Variants in CACNB2 observed in about 807,000 individuals in gnomAD.
The protein encoded by CACNB2 is voltage-dependent L-type calcium channel subunit beta-2.
In CACNB2, 42 loss-of-function variants were observed where a neutral mutation model predicts 73.3. The ratio of observed to expected loss-of-function variants is 0.57; its 90% confidence interval spans 0.45 to 0.74. The LOEUF (loss-of-function observed/expected upper bound fraction) is 0.74. Ranked by LOEUF, CACNB2 falls within the 30% of genes least tolerant of loss-of-function variation. CACNB2 has a pLI of 0.00. For synonymous variants in CACNB2, 348 were observed against 310.3 expected (o/e 1.12, Z -1.28); for missense variants, 940 against 853.0 (o/e 1.10, Z -1.27).
At chr10:18,218,064 G>A (rs2035583792) in intron 2 of CACNB2, among the ~76,000 whole-genome samples, 1 of 152,094 alleles carries the variant, frequency 6.6e-6, no homozygotes, top group South Asian at 2.1e-4. Context: ...AAGGTTTGGG[G>A]GAGAACTGAA....
intron 1 of CACNB2, among the ~76,000 whole-genome samples, chr10:18,148,089 G>GT (rs139457135): frequency 0.18 from 24,644 of 135,776 alleles, 2,233 homozygotes; most frequent in East Asian, 0.42. Flanking sequence ...TCACTCTACA[G>GT]TTTTTTAAAA....
chr10:18,277,766 C>A (rs1039387344), intron 2 of CACNB2, among the ~76,000 whole-genome samples: 19 of 152,140 alleles, frequency 1.2e-4, no homozygotes, highest in African/African-American at 4.6e-4. Context: ...AAAGATGAAT[C>A]AAATAATCTT....
chr10:18,158,406 G>A (rs1052808825), intron 2 of CACNB2, among the ~76,000 whole-genome samples: 1 of 152,100 alleles, frequency 6.6e-6, no homozygotes, highest in Non-Finnish European at 1.5e-5. Context: ...AATTGTTTAT[G>A]TGCTATAAGA....
At chr10:18,282,687 T>G (rs1324639818) in intron 2 of CACNB2, among the ~76,000 whole-genome samples, 1 of 152,198 alleles carries the variant, frequency 6.6e-6, no homozygotes, top group Non-Finnish European at 1.5e-5. Flanking sequence ...GACAAGGAGT[T>G]GCTTTTTTTA....
chr10:18,535,991 A>G (rs1180338446), intron 11 of CACNB2, 110 bp from the exon 12 acceptor site: 1 of 690,244 alleles, frequency 1.4e-6, no homozygotes, highest in African/African-American at 1.8e-5. Flanking sequence ...ATCTATTATA[A>G]GCCCCTTGTG....
In CACNB2 at chr10:18,388,083, T is replaced by C. The variant is rs928903526; in HGVS notation, c.214-13841T>C. On this transcript the variant is annotated intron_variant, in intron 2 of 13. Transcript: ENST00000324631. ...AAGCCATTTCTCATCCTTACCAAAA[T>C]GTATTCTTACCAAACTGTCAGGCCA... Among the ~76,000 whole-genome samples, 6 of 152,288 alleles carry C rather than the reference T, an allele frequency of 3.9e-5. No individual in the cohort carries two copies. In the East Asian group the frequency reaches 1.2e-3, roughly 29 times the overall value.
intron 2 of CACNB2, among the ~76,000 whole-genome samples, chr10:18,390,387 A>G (rs2043414040): frequency 6.6e-6 from 1 of 152,000 alleles, no homozygotes; most frequent in Admixed American, 6.6e-5. Flanking sequence ...TAATTTTTGT[A>G]TTTTTAGTAG....
intron 3 of CACNB2, among the ~76,000 whole-genome samples, chr10:18,435,143 TC>T (rs1388258863): frequency 6.6e-6 from 1 of 152,188 alleles, no homozygotes; most frequent in Non-Finnish European, 1.5e-5. Context: ...TCCTCTGCCT[TC>T]TGCGTGTCAC....
intron 2 of CACNB2, among the ~76,000 whole-genome samples, chr10:18,282,931 G>T (rs1043383997): frequency 1.1e-4 from 16 of 152,098 alleles, no homozygotes; most frequent in African/African-American, 2.9e-4. Flanking sequence ...CTGACAAAGG[G>T]CTAATATCCA....
chr10:18,463,503 C>G, intron 3 of CACNB2, among the ~76,000 whole-genome samples: 1 of 152,198 alleles, frequency 6.6e-6, no homozygotes. Context: ...CAGCTTCAAC[C>G]TCCCAGGTTC....
At chr10:18,517,985 A>G (rs1656965519) in intron 7 of CACNB2, among the ~76,000 whole-genome samples, 1 of 152,238 alleles carries the variant, frequency 6.6e-6, no homozygotes, top group African/African-American at 2.4e-5. Flanking sequence ...CCGAAAAGCA[A>G]TATTAACTTC....
intron 2 of CACNB2, among the ~76,000 whole-genome samples, chr10:18,195,106 G>A (rs1420720394): frequency 2.6e-5 from 4 of 152,160 alleles, no homozygotes; most frequent in African/African-American, 7.2e-5. Flanking sequence ...GCAAAGGAGA[G>A]TTTAAGATGA....
intron 3 of CACNB2, among the ~76,000 whole-genome samples, chr10:18,409,316 A>AAAAAG (rs1281941997): frequency 2.0e-5 from 3 of 150,360 alleles, no homozygotes; most frequent in South Asian, 4.2e-4. Context: ...AAAAAAAAAA[A>AAAAAG]AAGTAGAGAC....
chr10:18,345,572 C>T lies in CACNB2; in HGVS notation c.214-56352C>T, dbSNP rs566839128. On this transcript the variant is annotated intron_variant, in intron 2 of 13. Transcript: ENST00000324631. ...GTATGGGGGAGCTTCTTCCTTCTTTCTTTCCTATTAAACACACTCCGCTCC... is the reference window on the plus strand; with the variant it reads ...GTATGGGGGAGCTTCTTCCTTCTTTTTTTCCTATTAAACACACTCCGCTCC... Among the ~76,000 whole-genome samples the T allele has an allele frequency of 1.2e-4, 18 of 152,294 alleles. No homozygotes were observed. The South Asian group carries it at 1.7e-3, about 14-fold the overall frequency.
chr10:18,235,898 C>T (rs1420958394), intron 2 of CACNB2, among the ~76,000 whole-genome samples: 1 of 152,092 alleles, frequency 6.6e-6, no homozygotes, highest in East Asian at 1.9e-4. Context: ...CAGATTTCCC[C>T]CTTGCTGTTC....
chr10:18,346,732 G>A (rs1589102549), intron 2 of CACNB2, among the ~76,000 whole-genome samples: 1 of 151,944 alleles, frequency 6.6e-6, no homozygotes, highest in Non-Finnish European at 1.5e-5. Context: ...GAGTAGCTGG[G>A]ACTACAGGCA....
intron 2 of CACNB2, among the ~76,000 whole-genome samples, chr10:18,270,888 T>C (rs981513937): frequency 2.6e-5 from 4 of 152,278 alleles, no homozygotes; most frequent in African/African-American, 4.8e-5. Flanking sequence ...CAAGACGTAA[T>C]GGTTGAATAC....
intron 3 of CACNB2, among the ~76,000 whole-genome samples, chr10:18,418,042 G>A (rs1229880667): frequency 6.6e-6 from 1 of 152,104 alleles, no homozygotes; most frequent in Non-Finnish European, 1.5e-5. Flanking sequence ...CTGCTGTAGT[G>A]CAGGAGTGCA....
chr10:18,259,564 CAA>C (rs1175522949), intron 2 of CACNB2, among the ~76,000 whole-genome samples: 2 of 124,730 alleles, frequency 1.6e-5, no homozygotes, highest in African/African-American at 6.3e-5. Flanking sequence ...AAAAAACAAA[CAA>C]AAAAAAAAAG....
Sources: gnomAD v4.1 joint callset for allele counts (sites outside exome capture counted in the v4.1 genomes callset) on GRCh38, gnomAD v4.1.1 for gene constraint, MANE v1.5 for transcripts, NCBI Gene and HGNC (gene_info 2026-07-23, HGNC 2026-07-21) for gene names.